The following GASK1A variants were observed in gnomAD, a reference collection of about 807,000 sequenced individuals.
GASK1A encodes the protein golgi associated kinase 1A.
A neutral mutation model predicts 41.2 loss-of-function variants in GASK1A; 40 were observed. The observed-to-expected ratio is 0.97, with a 90% CI of 0.75 to 1.27. The LOEUF (loss-of-function observed/expected upper bound fraction) is 1.27. GASK1A is among the 50% of genes most tolerant of loss of function. GASK1A has a pLI of 0.00. For synonymous variants in GASK1A, 316 were observed against 307.1 expected (o/e 1.03, Z -0.30); for missense variants, 678 against 745.1 (o/e 0.91, Z 1.05).
rs904303617 is a variant in GASK1A at position 43,032,444 on chromosome 3, C to T, written c.181C>T (p.Arg61Trp). Residue 61 changes from arginine to tryptophan, a missense_variant, in exon 2 of 5, where the codon CGG becomes TGG. By Grantham distance (101) the Arg-to-Trp change is moderately radical (BLOSUM62 -3). Transcript: ENST00000430121. ...AACTGGCGCCCCTGCAACCCATATC[C>T]GGCAGGCTTTGAGCTCCAGCCGGAG... ...GVTGAPATHI[R>W]QALSSSRRQR... is the part of the protein sequence containing the mutation. 77 of 1,551,156 alleles carry T rather than the reference C, an allele frequency of 5.0e-5. No individual in the cohort carries two copies. The highest frequency in any genetic ancestry group is 5.7e-5 in the Non-Finnish European group (65 of 1,146,668).
At chr3:43,028,550 G>A (rs1205342514) in intron 1 of GASK1A, among the ~76,000 whole-genome samples, 1 of 152,250 alleles carries the variant, frequency 6.6e-6, no homozygotes, top group Non-Finnish European at 1.5e-5. Context: ...CTTGGTGGAA[G>A]TGTATGTGTG....
chr3:43,034,852 A>G (rs1426060175), intron 2 of GASK1A, among the ~76,000 whole-genome samples: 2 of 152,148 alleles, frequency 1.3e-5, no homozygotes, highest in Non-Finnish European at 2.9e-5. Context: ...GGAGGTTGCC[A>G]TACTCTCCTT....
rs142290835 is a variant in GASK1A at position 43,029,564 on chromosome 3, G to C, written c.4-2703G>C. Among the ~76,000 whole-genome samples, 347 of 152,174 alleles carry C rather than the reference G, an allele frequency of 2.3e-3. 3 individuals carry two copies. Among genetic ancestry groups the C allele is most frequent in the African/African-American group, 8.0e-3 (331 of 41,506 alleles). ...TCCAACCCAACCCCTTGTAGATGAGGGAGCTGGTCCAGAGAGTGGGATCCA... is the reference window on the plus strand; with the variant it reads ...TCCAACCCAACCCCTTGTAGATGAGCGAGCTGGTCCAGAGAGTGGGATCCA... On this transcript the variant is annotated intron_variant, in intron 1 of 4. Transcript: ENST00000430121.
chr3:43,033,566 G>C lies in GASK1A; in HGVS notation c.1290+13G>C. The stretch of plus-strand genomic sequence containing the variant: ...CTTCCTGTTGCAGGTAGGTGGGGTT[G>C]GGCAGCAGGGGTAGAGAGCTGCGGA... On this transcript the variant is annotated intron_variant, in intron 2 of 4. Coordinates refer to ENST00000430121, the MANE Select transcript of GASK1A (RefSeq NM_001129908.3). The C allele has an allele frequency of 6.6e-7, 1 of 1,514,640 alleles. No individual in the cohort carries two copies. Among genetic ancestry groups the C allele is most frequent in the South Asian group, 1.3e-5 (1 of 79,088 alleles). 93.8% of individuals were successfully genotyped at this position (1,514,640 alleles called of 1,614,324 possible).
Position 43,056,091 on chromosome 3 carries a change from C to T in GASK1A, c.1518-85C>T, listed in dbSNP as rs1575454775. The T allele has an allele frequency of 5.5e-6, 6 of 1,098,266 alleles. 1 individual carries two copies. Among genetic ancestry groups the T allele is most frequent in the South Asian group, 3.1e-5 (2 of 64,554 alleles). 68.0% of individuals were successfully genotyped at this position (1,098,266 alleles called of 1,614,324 possible). A position where few individuals can be genotyped will look rare whatever the true frequency, so the allele number is the denominator to read the frequency against. ...GTTCCTCAGCTATGCAAGCTCTGGC[C>T]ATCTGGCATCACCTGTTACTGAAAT... On this transcript the variant is annotated intron_variant, in intron 4 of 4. Coordinates refer to ENST00000430121, the MANE Select transcript of GASK1A (RefSeq NM_001129908.3).
chr3:43,033,333 C>T lies in GASK1A; in HGVS notation c.1070C>T (p.Pro357Leu), dbSNP rs778481022. The T allele has an allele frequency of 9.7e-5, 150 of 1,551,184 alleles. No individual in the cohort carries two copies. Among genetic ancestry groups the T allele is most frequent in the Non-Finnish European group, 1.2e-4 (135 of 1,146,794 alleles). Residue 357 changes from proline to leucine, a missense_variant, in exon 2 of 5, where the codon CCC (proline) becomes CTC (leucine). Coordinates refer to ENST00000430121, the MANE Select transcript of GASK1A (RefSeq NM_001129908.3). ...CGCCGCTTCCATAGCCCCCTCCTGC[C>T]CTACCGATACACAGACGGTGGAGCA... ...VARRFHSPLLPYRYTDGGARP... is the reference protein window; with the variant it reads ...VARRFHSPLLLYRYTDGGARP...
At chr3:42,979,736 C>G (rs1420134987) in intron 1 of GASK1A, 91 bp downstream of exon 1, 3 of 1,206,946 alleles carry the variant, frequency 2.5e-6, no homozygotes, top group Middle Eastern at 2.1e-4. Context: ...CCAGGGCGCG[C>G]GCAGCCTGCG....
intron 1 of GASK1A, among the ~76,000 whole-genome samples, chr3:43,014,475 C>T (rs2089480143): frequency 6.7e-6 from 1 of 150,048 alleles, no homozygotes; most frequent in Non-Finnish European, 1.5e-5. Context: ...TGTGAAGCCA[C>T]AGGGAGGGTA....
chr3:43,033,717 A>C (rs1278846444), intron 2 of GASK1A, among the ~76,000 whole-genome samples, 164 bp downstream of exon 2: 2 of 152,098 alleles, frequency 1.3e-5, no homozygotes, highest in African/African-American at 2.4e-5. Context: ...CTGTTTATTT[A>C]TCCAGTGGTT....
intron 2 of GASK1A, among the ~76,000 whole-genome samples, chr3:43,050,196 G>A (rs916720107): frequency 1.3e-5 from 2 of 152,016 alleles, no homozygotes; most frequent in Non-Finnish European, 2.9e-5. Flanking sequence ...AGTATTTCTT[G>A]TAGAAGAAGC....
intron 2 of GASK1A, among the ~76,000 whole-genome samples, chr3:43,034,336 G>A (rs967012587): frequency 6.6e-6 from 1 of 152,200 alleles, no homozygotes; most frequent in East Asian, 1.9e-4. Flanking sequence ...GAGGGGTAGT[G>A]TGGGAATCCC....
chr3:43,037,361 T>C, intron 2 of GASK1A: 1 of 941,232 alleles, frequency 1.1e-6, no homozygotes, highest in Admixed American at 1.7e-5. Context: ...AAATGTGCAA[T>C]ACAAATCCTC....
intron 1 of GASK1A, among the ~76,000 whole-genome samples, chr3:43,026,121 G>A (rs1179733179): frequency 1.3e-5 from 2 of 152,204 alleles, no homozygotes; most frequent in Non-Finnish European, 2.9e-5. Flanking sequence ...GTCTGCAAAA[G>A]AGGGTGTGGA....
chr3:42,999,146 G>A (rs530037934), intron 1 of GASK1A, among the ~76,000 whole-genome samples: 1 of 151,996 alleles, frequency 6.6e-6, no homozygotes, highest in Non-Finnish European at 1.5e-5. Context: ...CAATCACAGT[G>A]TGACAATCTG....
At chr3:43,008,239 C>T (rs2089446161) in intron 1 of GASK1A, among the ~76,000 whole-genome samples, 1 of 152,204 alleles carries the variant, frequency 6.6e-6, no homozygotes, top group East Asian at 1.9e-4. Context: ...AGTAGAGGAA[C>T]TGTCTTATCA....
intron 1 of GASK1A, among the ~76,000 whole-genome samples, chr3:42,994,228 G>A (rs1034334810): frequency 6.6e-6 from 1 of 152,166 alleles, no homozygotes; most frequent in Non-Finnish European, 1.5e-5. Context: ...GGTCTCAGGG[G>A]CATCTTGTAT....
rs921428889 is a variant in GASK1A, at chr3:43,055,476, T to G, written c.1458T>G (p.Ala486=). 10 of 1,551,798 alleles carry G rather than the reference T, an allele frequency of 6.4e-6. No individual in the cohort carries two copies. The African/African-American group carries it at 1.4e-4, about 21-fold the overall frequency. Residue 486 remains alanine (A), a synonymous_variant, in exon 4 of 5, where the codon GCT becomes GCG. Coordinates refer to ENST00000430121, the MANE Select transcript of GASK1A (RefSeq NM_001129908.3). ...DPSHLVYIDN[A]GNLQHPEDKL... ...CTCACCTGGTCTACATCGATAACGC[T>G]GGCAACCTTCAGCACCCTGAGGACA...
At chr3:43,042,773 G>A (rs958383731) in intron 2 of GASK1A, among the ~76,000 whole-genome samples, 2 of 152,168 alleles carry the variant, frequency 1.3e-5, no homozygotes, top group Non-Finnish European at 2.9e-5. Context: ...TCTCAATCCA[G>A]CTCCTCAAAG....
In GASK1A at chr3:43,032,960, G is replaced by C; in HGVS notation, c.697G>C (p.Val233Leu). Residue 233 changes from valine to leucine, a missense_variant, in exon 2 of 5, where the codon GTT (valine) becomes CTT (leucine). Coordinates refer to ENST00000430121, the MANE Select transcript of GASK1A (RefSeq NM_001129908.3). Reference protein sequence around the residue: ...ASGAHQWPGSVEKLQGSVWCD... With the variant: ...ASGAHQWPGSLEKLQGSVWCD... ...AGGAGCTCATCAGTGGCCTGGCTCT[G>C]TTGAGAAGCTGCAAGGGTCAGTATG... The C allele has an allele frequency of 6.4e-7, 1 of 1,550,960 alleles. No individual in the cohort carries two copies. The highest frequency in any genetic ancestry group is 8.7e-7 in the Non-Finnish European group (1 of 1,146,538).
Sources: allele counts gnomAD v4.1 joint callset (sites outside exome capture counted in the v4.1 genomes callset), GRCh38; gene constraint gnomAD v4.1.1; transcripts MANE v1.5; gene names NCBI Gene and HGNC (gene_info 2026-07-23, HGNC 2026-07-21).